The following ENTREP2 variants were observed in gnomAD, a reference collection of about 807,000 sequenced individuals.
ENTREP2 encodes the protein protein ENTREP2.
At chr15:29,169,244 C>G in the ENTREP2 span, among the ~76,000 whole-genome samples, 1 of 152,082 alleles carries the variant, frequency 6.6e-6, no homozygotes, top group African/African-American at 2.4e-5. Context: ...GAACAAAACA[C>G]CATTTTTAAA....
At chr15:29,378,510 A>G in the ENTREP2 span, among the ~76,000 whole-genome samples, 1 of 152,220 alleles carries the variant, frequency 6.6e-6, no homozygotes, top group African/African-American at 2.4e-5. Flanking sequence ...TGAACAAAGC[A>G]GATTACCCTC....
chr15:29,503,444 T>A, the ENTREP2 span, among the ~76,000 whole-genome samples: 1 of 152,082 alleles, frequency 6.6e-6, no homozygotes. Flanking sequence ...GATTGGGGAA[T>A]TGGAGGTGAC....
the ENTREP2 span, among the ~76,000 whole-genome samples, chr15:29,494,725 T>C: frequency 6.6e-6 from 1 of 152,240 alleles, no homozygotes; most frequent in Non-Finnish European, 1.5e-5. Flanking sequence ...GCCACGTTTT[T>C]AGATTCCACA....
chr15:29,229,865 A>G, the ENTREP2 span, among the ~76,000 whole-genome samples: 2 of 151,904 alleles, frequency 1.3e-5, no homozygotes, highest in African/African-American at 4.8e-5. Context: ...CTTTATCTCT[A>G]TCTCAGACCA....
chr15:29,395,811 G>A, the ENTREP2 span, among the ~76,000 whole-genome samples: 1 of 152,038 alleles, frequency 6.6e-6, no homozygotes, highest in Admixed American at 6.6e-5. Flanking sequence ...TGGGATTACA[G>A]GTGTGAGCCA....
the ENTREP2 span, among the ~76,000 whole-genome samples, chr15:29,289,883 A>G: frequency 2.0e-5 from 3 of 152,326 alleles, no homozygotes; most frequent in Admixed American, 1.3e-4. Context: ...GAAAGTTCAC[A>G]GCAGCATTAT....
chr15:29,204,222 A>G, the ENTREP2 span, among the ~76,000 whole-genome samples: 1 of 152,292 alleles, frequency 6.6e-6, no homozygotes, highest in East Asian at 1.9e-4. Context: ...ATTTTTCACA[A>G]ATCTCTTTGG....
chr15:29,120,951 T>G, the ENTREP2 span: 1 of 151,256 alleles, frequency 6.6e-6, no homozygotes, highest in African/African-American at 2.5e-5. Context: ...TCTGGGGACC[T>G]TCCCAGGAAG....
the ENTREP2 span, among the ~76,000 whole-genome samples, chr15:29,483,768 C>T: frequency 1.4e-3 from 207 of 152,324 alleles, 1 homozygote; most frequent in Non-Finnish European, 2.3e-3. Context: ...GAATCTTTTG[C>T]TTTTCCACAT....
chr15:29,649,057 TACACACAC>T, the ENTREP2 span, among the ~76,000 whole-genome samples: 172 of 144,970 alleles, frequency 1.2e-3, 1 homozygote, highest in South Asian at 3.8e-3. Flanking sequence ...GGGACACATG[TACACACAC>T]ACACACACAC....
At chr15:29,630,761 C>T in the ENTREP2 span, among the ~76,000 whole-genome samples, 3 of 152,198 alleles carry the variant, frequency 2.0e-5, no homozygotes, top group Non-Finnish European at 4.4e-5. Context: ...GATCTCAGCT[C>T]ACTGCTACCT....
the ENTREP2 span, among the ~76,000 whole-genome samples, chr15:29,514,036 G>A: frequency 6.6e-6 from 1 of 152,212 alleles, no homozygotes; most frequent in African/African-American, 2.4e-5. Context: ...AGGGGGAGCA[G>A]GGAGTGCTGG....
At chr15:29,283,029 A>G in the ENTREP2 span, among the ~76,000 whole-genome samples, 1 of 152,324 alleles carries the variant, frequency 6.6e-6, no homozygotes, top group Non-Finnish European at 1.5e-5. Context: ...AGCTGGGACC[A>G]AAGACCAGAG....
the ENTREP2 span, among the ~76,000 whole-genome samples, chr15:29,275,946 C>A: frequency 2.6e-5 from 4 of 152,184 alleles, no homozygotes; most frequent in Non-Finnish European, 4.4e-5. Context: ...GAGGCAAATA[C>A]TATTTTGGTG....
At chr15:29,246,973 GCACACA>G in the ENTREP2 span, among the ~76,000 whole-genome samples, 5,130 of 137,072 alleles carry the variant, frequency 0.037, 312 homozygotes, top group African/African-American at 0.13. Context: ...GACTGGAAAG[GCACACA>G]CACACACACA....
At chr15:29,132,954 G>A in the ENTREP2 span, among the ~76,000 whole-genome samples, 3 of 152,154 alleles carry the variant, frequency 2.0e-5, no homozygotes, top group African/African-American at 4.8e-5. Flanking sequence ...GAGCAGAGGC[G>A]GTGAAGGGGA....
chr15:29,498,571 T>C, the ENTREP2 span, among the ~76,000 whole-genome samples: 341 of 152,322 alleles, frequency 2.2e-3, 1 homozygote, highest in African/African-American at 7.7e-3. Flanking sequence ...GCCCAACGTA[T>C]AACCTATCCT....
chr15:29,444,198 G>C, the ENTREP2 span, among the ~76,000 whole-genome samples: 47 of 138,972 alleles, frequency 3.4e-4, no homozygotes, highest in African/African-American at 9.4e-4. Flanking sequence ...AAGAAAGAAA[G>C]AAAGAAAGAA....
the ENTREP2 span, among the ~76,000 whole-genome samples, chr15:29,152,951 G>T: frequency 6.6e-6 from 1 of 152,154 alleles, no homozygotes; most frequent in Non-Finnish European, 1.5e-5. Flanking sequence ...GCCAACATTT[G>T]GTGTCACTGT....
Sources: gnomAD v4.1 joint callset for allele counts (sites outside exome capture counted in the v4.1 genomes callset) on GRCh38, gnomAD v4.1.1 for gene constraint, MANE v1.5 for transcripts, NCBI Gene and HGNC (gene_info 2026-07-23, HGNC 2026-07-21) for gene names.